Variants in SPTBN4 observed in about 807,000 individuals in gnomAD.
SPTBN4 encodes spectrin beta chain, non-erythrocytic 4.
Under a neutral mutation model 277.8 loss-of-function variants are expected in SPTBN4, and 96 were observed. The ratio of observed to expected loss-of-function variants is 0.35; its 90% CI spans 0.29 to 0.41. The LOEUF is 0.41. Among genes scored for constraint, SPTBN4 ranks in the 10% least tolerant of loss-of-function variants. The probability of loss-of-function intolerance (pLI) is 1.00; values close to 1 mark genes in which losing one functional copy is unlikely to be tolerated. For missense variants in SPTBN4, 3,006 were observed against 3,595.7 expected (o/e 0.84, Z 4.19); for synonymous variants, 1,481 against 1,580.3 (o/e 0.94, Z 1.49).
At chr19:40,509,602 T>C (rs1242958444) in intron 13 of SPTBN4, among the ~76,000 whole-genome samples, 1 of 152,268 alleles carries the variant, frequency 6.6e-6, no homozygotes, top group African/African-American at 2.4e-5. Context: ...CTGACGGCAG[T>C]TGGGGCTGCT....
intron 6 of SPTBN4, among the ~76,000 whole-genome samples, chr19:40,496,853 A>T (rs1244095627): frequency 6.6e-6 from 1 of 151,862 alleles, no homozygotes; most frequent in African/African-American, 2.4e-5. Flanking sequence ...CAGGCAGATC[A>T]CTTGAGGTCA....
intron 7 of SPTBN4, among the ~76,000 whole-genome samples, chr19:40,498,376 T>A (rs200164469): frequency 1.2e-5 from 1 of 84,578 alleles, no homozygotes. Flanking sequence ...TATTTTATTT[T>A]ATTTATTTAT....
rs199791889 is a variant in SPTBN4, at chr19:40,490,052, G to A, written c.322-23G>A. 14 of 1,581,498 alleles carry A rather than the reference G, an allele frequency of 8.9e-6. No homozygotes were observed. The African/African-American group carries it at 1.5e-4, about 17-fold the overall frequency. On this transcript the variant is annotated intron_variant, in intron 3 of 35. Coordinates refer to ENST00000598249, the MANE Select transcript of SPTBN4 (RefSeq NM_020971.3). This position sits in a 1 kb window ranked among gnomAD's most constrained non-coding sequence, Gnocchi z 4.3. ...CTCCTGTCTGTCCAGACCCCCGATC[G>A]CCCACCGCCCCTGTCGCCCTAGCCC...
chr19:40,521,944 C>T (rs933211016), intron 16 of SPTBN4, among the ~76,000 whole-genome samples: 7 of 152,034 alleles, frequency 4.6e-5, no homozygotes, highest in African/African-American at 1.7e-4. Context: ...CCACCATGCC[C>T]GGCCCTGACC....
chr19:40,562,584 C>T (rs1265078629), intron 27 of SPTBN4, among the ~76,000 whole-genome samples: 1 of 148,438 alleles, frequency 6.7e-6, no homozygotes, highest in Admixed American at 6.8e-5. Context: ...CCTGTAATCC[C>T]AGCATTTTGG....
At chr19:40,489,936 A>G in intron 3 of SPTBN4, 139 bp from the exon 4 acceptor site, 1 of 813,728 alleles carries the variant, frequency 1.2e-6, no homozygotes, top group Non-Finnish European at 1.9e-6. Flanking sequence ...CTTGGATAAA[A>G]CGAGAGGAGG....
chr19:40,506,121 G>C, intron 12 of SPTBN4, 115 bp from the exon 13 acceptor site: 1 of 1,374,878 alleles, frequency 7.3e-7, no homozygotes, highest in Non-Finnish European at 9.8e-7. Flanking sequence ...CTCTCCAAGA[G>C]GGTCAGAGTC....
At chr19:40,522,702 T>C (rs561884823) in intron 16 of SPTBN4, among the ~76,000 whole-genome samples, 2 of 152,244 alleles carry the variant, frequency 1.3e-5, no homozygotes, top group South Asian at 4.1e-4. Flanking sequence ...GGGCGCTATT[T>C]TGGGGCTGAG....
rs369113073 is a variant in SPTBN4 at position 40,553,498 on chromosome 19, A to C, written c.4675-649A>C. On this transcript the variant is annotated intron_variant, in intron 22 of 35. Coordinates refer to ENST00000598249, the MANE Select transcript of SPTBN4 (RefSeq NM_020971.3). Reference sequence around the variant, plus strand: ...ATAAGGAGAGGACTTGCTGGCTGTTATTATCTTTATCAGTTGAGTCACACA... The same window carrying C: ...ATAAGGAGAGGACTTGCTGGCTGTTCTTATCTTTATCAGTTGAGTCACACA... Among the ~76,000 whole-genome samples the C allele has an allele frequency of 1.8e-3, 280 of 152,310 alleles. 3 individuals carry two copies. Among genetic ancestry groups the C allele is most frequent in the African/African-American group, 6.6e-3 (274 of 41,554 alleles).
intron 18 of SPTBN4, chr19:40,530,505 C>G (rs944503705): frequency 2.0e-6 from 2 of 979,754 alleles, no homozygotes; most frequent in Non-Finnish European, 2.4e-6. Flanking sequence ...CAGCCTTCGC[C>G]GCCGCTGCCG....
intron 25 of SPTBN4, 139 bp downstream of exon 25, chr19:40,556,427 T>A: frequency 2.7e-6 from 2 of 741,024 alleles, no homozygotes; most frequent in South Asian, 1.9e-5. Flanking sequence ...TAATATAACG[T>A]AAAGCACTGA....
chr19:40,539,929 A>AT (rs2080779626), intron 20 of SPTBN4, among the ~76,000 whole-genome samples: 1 of 122,126 alleles, frequency 8.2e-6, no homozygotes. Context: ...ACAGGTCTTT[A>AT]ATTTTTTTTT....
Position 40,575,462 on chromosome 19 carries a change from G to A in SPTBN4, c.7588G>A (p.Ala2530Thr). ...EAVASSVAEHAEIARWGQTLP... is the reference protein window; with the variant it reads ...EAVASSVAEHTEIARWGQTLP... ...TGTAGCTTCCTCGGTGGCGGAACAC[G>A]CAGAGATCGCCCGCTGGGGCCAGAC... The change falls in exon 36 of 36, where the codon GCA (alanine) becomes ACA (threonine). Residue 2530 changes from alanine to threonine, a missense_variant. Ala to Thr is a moderately conservative substitution (Grantham distance 58, BLOSUM62 0). Coordinates refer to ENST00000598249, the MANE Select transcript of SPTBN4 (RefSeq NM_020971.3). The A allele has an allele frequency of 6.2e-7, 1 of 1,613,166 alleles. No homozygotes were observed. The highest frequency in any genetic ancestry group is 1.1e-5 in the South Asian group (1 of 90,970).
chr19:40,509,236 A>G (rs934840968), intron 13 of SPTBN4, among the ~76,000 whole-genome samples: 6 of 151,126 alleles, frequency 4.0e-5, no homozygotes, highest in Admixed American at 6.6e-5. Flanking sequence ...CTGTGAGATT[A>G]TTATTTTTAC....
In SPTBN4 at chr19:40,519,604, C is replaced by T. The variant is rs1413476241; in HGVS notation, c.3107C>T (p.Pro1036Leu). The T allele has an allele frequency of 2.7e-6, 4 of 1,455,696 alleles. No individual in the cohort carries two copies. Among genetic ancestry groups the T allele is most frequent in the Admixed American group, 3.0e-5 (1 of 32,792 alleles). The allele number at this position is 1,455,696 out of a possible 1,614,324, so 90.2% of individuals were successfully genotyped here. A position where few individuals can be genotyped will look rare whatever the true frequency, so the allele number is the denominator to read the frequency against. Residue 1036 changes from proline (P) to leucine (L), a missense_variant, in exon 16 of 36, where the codon CCG becomes CTG. Pro to Leu is a moderately conservative substitution (Grantham distance 98). Coordinates refer to ENST00000598249, the MANE Select transcript of SPTBN4 (RefSeq NM_020971.3). The surrounding 1 kb of genome is among the most constrained non-coding windows in gnomAD (Gnocchi z 5.7). ...GLEAALQALEPRQAALLEEAA... is the reference protein window; with the variant it reads ...GLEAALQALELRQAALLEEAA... The stretch of plus-strand genomic sequence containing the variant: ...GAGGCCGCTCTGCAGGCGCTGGAGC[C>T]GCGCCAGGCGGCCCTTCTGGAGGAG...
chr19:40,554,430 G>T lies in SPTBN4; in HGVS notation c.4953+5G>T, dbSNP rs1286958274. 1 of 1,550,928 alleles carries T rather than the reference G, an allele frequency of 6.4e-7. No homozygotes were observed. The highest frequency in any genetic ancestry group is 8.7e-7 in the Non-Finnish European group (1 of 1,145,494). On this transcript the variant is annotated splice_donor_5th_base_variant and intron_variant, in intron 23 of 35. Coordinates refer to ENST00000598249, the MANE Select transcript of SPTBN4 (RefSeq NM_020971.3). This position sits in a 1 kb window ranked among gnomAD's most constrained non-coding sequence, Gnocchi z 5.7. Reference sequence around the variant, plus strand: ...ATGAGTGAGGACAAGGGCAAGGTGCGCCCGAGCTGGGGGTGCGGAGGGCCT... The same window carrying T: ...ATGAGTGAGGACAAGGGCAAGGTGCTCCCGAGCTGGGGGTGCGGAGGGCCT...
At chr19:40,563,926 A>G (rs372758291) in intron 27 of SPTBN4, among the ~76,000 whole-genome samples, 100 of 152,012 alleles carry the variant, frequency 6.6e-4, no homozygotes, top group African/African-American at 2.2e-3. Context: ...GGGCACCTGT[A>G]ATCCCAGCTA....
rs1003624635 is a variant in SPTBN4, at chr19:40,519,977, C to T, written c.3480C>T (p.Asp1160=). ...CCAGCGAGGCGCTGCTGGCCGCCGA[C>T]GGCGCAGAGCTGGGCCCGGGCCTGG... The part of the protein sequence containing the change: ...VAASEALLAA[D]GAELGPGLAL... The change falls in exon 16 of 36, where the codon GAC becomes GAT. Residue 1160 remains aspartate, a synonymous_variant. Transcript: ENST00000598249. The surrounding 1 kb of genome is among the most constrained non-coding windows in gnomAD (Gnocchi z 5.7). The T allele has an allele frequency of 6.5e-7, 1 of 1,541,680 alleles. No homozygotes were observed. The highest frequency in any genetic ancestry group is 1.2e-5 in the South Asian group (1 of 81,586).
rs1185482582 is a variant in SPTBN4 at position 40,519,889 on chromosome 19, G to T, written c.3392G>T (p.Arg1131Leu). ...SLEEADALLA[R>L]HAALKEEVDQ... ...GAAGAGGCGGACGCGCTGCTGGCGC[G>T]CCACGCTGCGCTCAAGGAGGAGGTG... The change falls in exon 16 of 36, where the codon CGC (arginine) becomes CTC (leucine). Residue 1131 changes from arginine to leucine, a missense_variant. By Grantham distance (102) the Arg-to-Leu change is moderately radical. This residue lies in a region of SPTBN4 where 1,759 missense variants were observed against 2,061.5 expected (regional missense o/e 0.85). Transcript: ENST00000598249. This position sits in a 1 kb window ranked among gnomAD's most constrained non-coding sequence, Gnocchi z 5.7. 1 of 1,517,102 alleles carries T rather than the reference G, an allele frequency of 6.6e-7. No individual in the cohort carries two copies. The highest frequency in any genetic ancestry group is 1.2e-5 in the South Asian group (1 of 81,062). The allele number at this position is 1,517,102 out of a possible 1,614,324, so 94.0% of individuals were successfully genotyped here. A position where few individuals can be genotyped will look rare whatever the true frequency, so the allele number is the denominator to read the frequency against.
Sources: gnomAD v4.1 joint callset for allele counts (sites outside exome capture counted in the v4.1 genomes callset) on GRCh38, gnomAD v4.1.1 for gene constraint, gnomAD v4.1.1 regional missense constraint, Gnocchi (gnomAD v3.1) non-coding constraint, MANE v1.5 for transcripts, NCBI Gene and HGNC (gene_info 2026-07-23, HGNC 2026-07-21) for gene names.